Variants in RBM44 observed in about 807,000 individuals in gnomAD.
The protein encoded by RBM44 is RNA-binding protein 44.
A neutral mutation model predicts 105.1 loss-of-function variants in RBM44; 66 were observed. The ratio of observed to expected loss-of-function variants is 0.63; its 90% CI spans 0.52 to 0.77. The LOEUF (loss-of-function observed/expected upper bound fraction) is 0.77, where lower values mean the gene tolerates loss of function less well. Ranked by LOEUF, RBM44 falls within the 30% of genes least tolerant of loss-of-function variation. The probability of loss-of-function intolerance (pLI) is 0.00; values close to 1 mark genes in which losing one functional copy is unlikely to be tolerated. For synonymous variants in RBM44, 365 were observed against 417.6 expected (o/e 0.87, Z 1.54); for missense variants, 1,122 against 1,207.8 (o/e 0.93, Z 1.05).
chr2:237,824,583 G>A (rs1182115193), intron 10 of RBM44, among the ~76,000 whole-genome samples, 164 bp downstream of exon 10: 1 of 152,104 alleles, frequency 6.6e-6, no homozygotes, highest in Non-Finnish European at 1.5e-5. Context: ...TCAGTTGGAG[G>A]TCAGTTTTTT....
In RBM44 at chr2:237,809,480, G is replaced by A. The variant is rs527880491; in HGVS notation, c.-18-4112G>A. 2.0e-5 allele frequency among the ~76,000 whole-genome samples: 3 copies of A among 152,162 alleles called. No homozygotes were observed. The East Asian group carries it at 5.8e-4, about 29-fold the overall frequency. The stretch of plus-strand genomic sequence containing the variant: ...TTACTTGTAAGTCTACTCCAGACAG[G>A]CATCTTTCAATATTCCATGTCTGCA... On this transcript the variant is annotated intron_variant, in intron 1 of 15. Transcript: ENST00000316997.
At chr2:237,809,148 CA>C (rs1476647566) in intron 1 of RBM44, among the ~76,000 whole-genome samples, 1 of 152,116 alleles carries the variant, frequency 6.6e-6, no homozygotes, top group Non-Finnish European at 1.5e-5. Flanking sequence ...ACATTTTTGA[CA>C]GTAACTAGTC....
chr2:237,813,743 CA>C lies in RBM44; in HGVS notation c.73+62del, dbSNP rs1474237193. 7 of 1,111,524 alleles carry C rather than the reference CA, an allele frequency of 6.3e-6. No homozygotes were observed. The Admixed American group carries it at 1.2e-4, about 20-fold the overall frequency. The allele number at this position is 1,111,524 out of a possible 1,614,324, so 68.9% of individuals were successfully genotyped here. A position where few individuals can be genotyped will look rare whatever the true frequency, so the allele number is the denominator to read the frequency against. ...GGGAAGGGTGTTAAATGTATTGTGC[CA>C]GACAGTTTGCCCTTCAGGTTGCTGC... On this transcript the variant is annotated intron_variant, in intron 2 of 15. Transcript: ENST00000316997.
intron 2 of RBM44, among the ~76,000 whole-genome samples, chr2:237,816,405 G>A (rs1314371852): frequency 6.6e-6 from 1 of 152,084 alleles, no homozygotes; most frequent in Non-Finnish European, 1.5e-5. Context: ...TAAGAAAAAA[G>A]TTTCTTATTA....
intron 1 of RBM44, among the ~76,000 whole-genome samples, chr2:237,800,963 C>T (rs2061539641): frequency 6.6e-6 from 1 of 152,172 alleles, no homozygotes; most frequent in African/African-American, 2.4e-5. Context: ...AAGTAATCCA[C>T]CCACCTCGGC....
Position 237,824,325 on chromosome 2 carries a change from G to T in RBM44, c.2355G>T (p.Trp785Cys). 1 of 1,613,110 alleles carries T rather than the reference G, an allele frequency of 6.2e-7. No homozygotes were observed. The highest frequency in any genetic ancestry group is 8.5e-7 in the Non-Finnish European group (1 of 1,179,366). Residue 785 changes from tryptophan (W) to cysteine (C), a missense_variant, in exon 10 of 16, where the codon TGG becomes TGT. Trp to Cys is a radical substitution (Grantham distance 215). Around this residue, in one of 3 missense-constraint regions of RBM44, gnomAD observed 918 missense variants for 955.3 expected, o/e 0.96. Transcript: ENST00000316997. ...ATTACCAAGAGACAAGCGAAGACTG[G>T]TCTGATGCTAAAGAGAGCCTGACAG... ...CRHYQETSED[W>C]SDAKESLTGV...
chr2:237,837,994 A>G (rs1045910491), intron 15 of RBM44, among the ~76,000 whole-genome samples: 1 of 152,048 alleles, frequency 6.6e-6, no homozygotes, highest in African/African-American at 2.4e-5. Context: ...TTCTCTGGGT[A>G]AAATGCTATC....
intron 1 of RBM44, among the ~76,000 whole-genome samples, chr2:237,800,989 G>A (rs569982155): frequency 6.6e-6 from 1 of 152,288 alleles, no homozygotes; most frequent in South Asian, 2.1e-4. Context: ...AAAGTGTTGG[G>A]ATTACAGGTG....
chr2:237,825,976 T>C (rs1290937176), intron 10 of RBM44, among the ~76,000 whole-genome samples: 1 of 152,146 alleles, frequency 6.6e-6, no homozygotes, highest in Non-Finnish European at 1.5e-5. Context: ...CACTACTTAC[T>C]CTATTTGTGA....
At chr2:237,832,256 G>C (rs1414483273) in intron 13 of RBM44, among the ~76,000 whole-genome samples, 2 of 151,550 alleles carry the variant, frequency 1.3e-5, no homozygotes, top group Non-Finnish European at 2.9e-5. Context: ...CTGGGCTCAA[G>C]CAATCCTCCC....
Position 237,824,357 on chromosome 2 carries a change from A to C in RBM44, c.2387A>C (p.Asp796Ala), listed in dbSNP as rs1465418906. 2 of 1,612,898 alleles carry C rather than the reference A, an allele frequency of 1.2e-6. No individual in the cohort carries two copies. Among genetic ancestry groups the C allele is most frequent in the Middle Eastern group, 1.7e-4 (1 of 6,054 alleles). ...SDAKESLTGV[D>A]VSGTQGNQVE... ...GCTAAAGAGAGCCTGACAGGAGTTG[A>C]CGTCTCAGGGACACAGGGAAATCAA... Residue 796 changes from aspartate (D) to alanine (A), a missense_variant, in exon 10 of 16, where the codon GAC (aspartate) becomes GCC (alanine). Physicochemically the swap from Asp to Ala is moderately radical, Grantham distance 126. Coordinates refer to ENST00000316997, the MANE Select transcript of RBM44 (RefSeq NM_001080504.3).
chr2:237,826,353 A>G (rs892870993), intron 10 of RBM44, among the ~76,000 whole-genome samples: 1 of 152,164 alleles, frequency 6.6e-6, no homozygotes, highest in Non-Finnish European at 1.5e-5. Flanking sequence ...TCTTCACAAT[A>G]GAGACTATGA....
At position 237,801,814 on chromosome 2, in the gene RBM44, T is replaced by C. The variant is rs1206869252; in HGVS notation, c.-19+2953T>C. Among the ~76,000 whole-genome samples the C allele has an allele frequency of 4.6e-5, 7 of 152,198 alleles. No individual in the cohort carries two copies. In the East Asian group the frequency reaches 1.3e-3, roughly 29 times the overall value. On this transcript the variant is annotated intron_variant, in intron 1 of 15. Transcript: ENST00000316997. ...TTTACTTTTTTGATAAGTTTTTCCT[T>C]ACCTTTATTAATGCAACTGTGCTAT... is the stretch of plus-strand genomic sequence containing the variant.
chr2:237,800,854 G>T (rs375786345), intron 1 of RBM44, among the ~76,000 whole-genome samples: 1 of 151,800 alleles, frequency 6.6e-6, no homozygotes, highest in Non-Finnish European at 1.5e-5. Flanking sequence ...AGCCTCCTGA[G>T]TAGCTGGGAT....
chr2:237,826,373 C>T (rs1041398664), intron 10 of RBM44, among the ~76,000 whole-genome samples: 7 of 152,014 alleles, frequency 4.6e-5, no homozygotes, highest in African/African-American at 1.7e-4. Context: ...AAAACGTACT[C>T]TTAAGAATTT....
At chr2:237,840,850 C>G (rs1045227416) in intron 15 of RBM44, among the ~76,000 whole-genome samples, 3 of 152,130 alleles carry the variant, frequency 2.0e-5, no homozygotes, top group Non-Finnish European at 4.4e-5. Context: ...TGGAGAAATG[C>G]AAGTCAAAAC....
chr2:237,823,381 T>C, intron 8 of RBM44, 59 bp from the exon 9 acceptor site: 1 of 778,950 alleles, frequency 1.3e-6, no homozygotes, highest in East Asian at 2.7e-5. Context: ...ACCTGTCACA[T>C]AGTAAGAGCA....
Position 237,821,096 on chromosome 2 carries a change from A to C in RBM44, c.1939A>C (p.Lys647Gln). The C allele has an allele frequency of 6.3e-7, 1 of 1,584,698 alleles. No homozygotes were observed. Among genetic ancestry groups the C allele is most frequent in the Non-Finnish European group, 8.5e-7 (1 of 1,172,700 alleles). ...GAATTTATCAAGTAATTCTGCTAAG[A>C]AGGAATTGGGATCAGCACTACTGTC... ...NMNLSSNSAK[K>Q]ELGSALLSLL... Residue 647 changes from lysine to glutamine, a missense_variant, in exon 6 of 16, where the codon AAG (lysine) becomes CAG (glutamine). By Grantham distance (53) the Lys-to-Gln change is moderately conservative. This residue lies in a region of RBM44 where 918 missense variants were observed against 955.3 expected (regional missense o/e 0.96). Transcript: ENST00000316997.
chr2:237,817,985 G>A lies in RBM44; in HGVS notation c.1066G>A (p.Glu356Lys). 6.2e-7 allele frequency: 1 copy of A among 1,612,340 alleles called. No individual in the cohort carries two copies. Among genetic ancestry groups the A allele is most frequent in the Non-Finnish European group, 8.5e-7 (1 of 1,179,198 alleles). The stretch of plus-strand genomic sequence containing the variant: ...TGAGAACAAAATATTACTGCACCTT[G>A]AAAATCCTAGCACATTACCACAGGA... ...IVENKILLHL[E>K]NPSTLPQDKA... is the part of the protein sequence containing the mutation. Residue 356 changes from glutamate (E) to lysine (K), a missense_variant, in exon 3 of 16, where the codon GAA (glutamate) becomes AAA (lysine). Glu to Lys is a moderately conservative substitution (Grantham distance 56). Around this residue, in one of 3 missense-constraint regions of RBM44, gnomAD observed 918 missense variants for 955.3 expected, o/e 0.96. Transcript: ENST00000316997.
Sources: gnomAD v4.1 joint callset for allele counts (sites outside exome capture counted in the v4.1 genomes callset) on GRCh38, gnomAD v4.1.1 for gene constraint, gnomAD v4.1.1 regional missense constraint, MANE v1.5 for transcripts, NCBI Gene and HGNC (gene_info 2026-07-23, HGNC 2026-07-21) for gene names.